KHDRBS2: variants seen among roughly 807,000 people sequenced by gnomAD.
The protein encoded by KHDRBS2 is KH domain-containing, RNA-binding, signal transduction-associated protein 2.
In KHDRBS2, 26 loss-of-function variants were observed where a neutral mutation model predicts 44.3. The ratio of observed to expected loss-of-function variants is 0.59; its 90% CI spans 0.43 to 0.81. KHDRBS2 has a LOEUF of 0.81. Ranked by LOEUF, KHDRBS2 falls within the 40% of genes least tolerant of loss-of-function variation. The pLI is 0.00. For synonymous variants in KHDRBS2, 194 were observed against 151.1 expected (o/e 1.28, Z -2.08); for missense variants, 476 against 433.1 (o/e 1.10, Z -0.88).
chr6:61,631,909 G>T, the KHDRBS2 span, among the ~76,000 whole-genome samples: 82,341 of 151,822 alleles, frequency 0.54, 22,814 homozygotes, highest in Non-Finnish European at 0.61. Context: ...AAATCAATCC[G>T]CAAGAGCATC....
chr6:61,841,679 C>A (rs1318553720), intron 6 of KHDRBS2, among the ~76,000 whole-genome samples: 1 of 152,130 alleles, frequency 6.6e-6, no homozygotes, highest in Non-Finnish European at 1.5e-5. Context: ...TCTTCCTGGG[C>A]ACGGTATGAA....
At chr6:62,157,657 A>G (rs1419079390) in intron 2 of KHDRBS2, among the ~76,000 whole-genome samples, 1 of 152,196 alleles carries the variant, frequency 6.6e-6, no homozygotes, top group Non-Finnish European at 1.5e-5. Flanking sequence ...GCATGTTTAT[A>G]TAATTTTTAT....
intron 1 of KHDRBS2, among the ~76,000 whole-genome samples, chr6:62,259,304 T>C (rs1293938234): frequency 5.3e-5 from 8 of 152,164 alleles, no homozygotes; most frequent in Admixed American, 2.6e-4. Flanking sequence ...ATAATTTTTG[T>C]TCTATGATTT....
At chr6:61,982,213 A>AT in intron 3 of KHDRBS2, among the ~76,000 whole-genome samples, 1 of 79,312 alleles carries the variant, frequency 1.3e-5, no homozygotes, top group African/African-American at 4.4e-5. Flanking sequence ...AAGTCACTGC[A>AT]AATATATATA....
intron 2 of KHDRBS2, among the ~76,000 whole-genome samples, chr6:62,095,013 T>C (rs1331796168): frequency 6.6e-6 from 1 of 151,986 alleles, no homozygotes; most frequent in Non-Finnish European, 1.5e-5. Context: ...AGCTTTGTTG[T>C]TTTTGCTCAG....
At position 61,776,043 on chromosome 6, in the gene KHDRBS2, G is replaced by T. The variant is rs993304960; in HGVS notation, c.811-43279C>A. On this transcript the variant is annotated intron_variant, in intron 6 of 8. Transcript: ENST00000281156. ...CTGAGAAAAACAAGTAATGGGGAAA[G>T]GATTCCCTATTTAATAAATGGTGCT... is the stretch of plus-strand genomic sequence containing the variant. 2.1e-3 allele frequency among the ~76,000 whole-genome samples: 318 copies of T among 152,258 alleles called. 1 individual carries two copies. The highest frequency in any genetic ancestry group is 2.0e-3 in the Non-Finnish European group (134 of 68,022).
chr6:62,065,577 G>T (rs377570546), intron 2 of KHDRBS2, among the ~76,000 whole-genome samples: 3 of 139,172 alleles, frequency 2.2e-5, no homozygotes, highest in East Asian at 2.2e-4. Flanking sequence ...GGTGGGAATT[G>T]AACAATGAGA....
chr6:61,929,636 C>T (rs1174062338), intron 4 of KHDRBS2, among the ~76,000 whole-genome samples: 1 of 152,076 alleles, frequency 6.6e-6, no homozygotes, highest in Non-Finnish European at 1.5e-5. Context: ...ATTGCTTACT[C>T]AAAATGCACT....
chr6:61,561,775 G>A, the KHDRBS2 span, among the ~76,000 whole-genome samples: 1 of 152,286 alleles, frequency 6.6e-6, no homozygotes, highest in African/African-American at 2.4e-5. Context: ...GATAGGTCCA[G>A]AAAGACAGAA....
At chr6:61,990,271 G>A (rs1372856627) in intron 3 of KHDRBS2, among the ~76,000 whole-genome samples, 1 of 152,154 alleles carries the variant, frequency 6.6e-6, no homozygotes, top group South Asian at 2.1e-4. Flanking sequence ...ATAAAGCCAT[G>A]AATTAACAAA....
At chr6:61,550,766 C>CTTTTTTTTTTTTTTTTTT in the KHDRBS2 span, among the ~76,000 whole-genome samples, 3 of 117,038 alleles carry the variant, frequency 2.6e-5, no homozygotes, top group Non-Finnish European at 1.6e-5. Context: ...GAGATGGTAT[C>CTTTTTTTTTTTTTTTTTT]TTTTTTTTTT....
intron 1 of KHDRBS2, among the ~76,000 whole-genome samples, chr6:62,236,223 T>C (rs1160685296): frequency 6.6e-6 from 1 of 152,072 alleles, no homozygotes; most frequent in African/African-American, 2.4e-5. Flanking sequence ...TATTTTCTTT[T>C]GAAAGCTTCA....
intron 6 of KHDRBS2, among the ~76,000 whole-genome samples, chr6:61,789,587 G>T (rs981114336): frequency 4.6e-5 from 7 of 151,442 alleles, no homozygotes; most frequent in African/African-American, 1.7e-4. Context: ...TGGAGACCTT[G>T]TAAGGTATGC....
intron 6 of KHDRBS2, among the ~76,000 whole-genome samples, chr6:61,734,787 G>T (rs1409958356): frequency 6.6e-6 from 1 of 151,758 alleles, no homozygotes; most frequent in Non-Finnish European, 1.5e-5. Flanking sequence ...TTCATCAATT[G>T]TCCCAATGGT....
chr6:61,915,404 A>G (rs2127354622), intron 4 of KHDRBS2, among the ~76,000 whole-genome samples: 1 of 152,124 alleles, frequency 6.6e-6, no homozygotes, highest in East Asian at 1.9e-4. Flanking sequence ...TAATGACTCA[A>G]CTAAGTATTT....
chr6:61,611,105 T>G, the KHDRBS2 span, among the ~76,000 whole-genome samples: 1 of 152,196 alleles, frequency 6.6e-6, no homozygotes, highest in Non-Finnish European at 1.5e-5. Context: ...TATGACACTT[T>G]TTCAAAGACA....
intron 4 of KHDRBS2, among the ~76,000 whole-genome samples, chr6:61,934,586 A>G (rs1174698927): frequency 1.3e-5 from 2 of 152,216 alleles, no homozygotes; most frequent in African/African-American, 4.8e-5. Context: ...ATAAACTTGT[A>G]TTTATTTAGT....
At chr6:61,572,879 C>G in the KHDRBS2 span, among the ~76,000 whole-genome samples, 2 of 152,090 alleles carry the variant, frequency 1.3e-5, no homozygotes, top group African/African-American at 4.8e-5. Flanking sequence ...ACAGGGAAAA[C>G]TTGAAAGCAT....
intron 2 of KHDRBS2, among the ~76,000 whole-genome samples, chr6:62,107,186 A>G (rs1803622086): frequency 1.3e-5 from 2 of 152,236 alleles, no homozygotes; most frequent in Middle Eastern, 3.4e-3. Flanking sequence ...TTGTATATCT[A>G]GAAAACCCCA....
Sources: gnomAD v4.1 joint callset for allele counts (sites outside exome capture counted in the v4.1 genomes callset) on GRCh38, gnomAD v4.1.1 for gene constraint, MANE v1.5 for transcripts, NCBI Gene and HGNC (gene_info 2026-07-23, HGNC 2026-07-21) for gene names.